RHOU: variants seen among roughly 807,000 people sequenced by gnomAD.
The protein encoded by RHOU is rho-related GTP-binding protein RhoU.
Under a neutral mutation model 12.6 loss-of-function variants are expected in RHOU, and 8 were observed. The observed-to-expected ratio is 0.64, with a 90% CI of 0.37 to 1.15. The LOEUF is 1.15. RHOU is among the 50% of genes most tolerant of loss of function. RHOU has a pLI of 0.01. For missense variants in RHOU, 258 were observed against 347.0 expected (o/e 0.74, Z 2.04); for synonymous variants, 161 against 147.4 (o/e 1.09, Z -0.67).
chr1:228,726,712 G>A, the RHOU span, among the ~76,000 whole-genome samples: 3 of 151,848 alleles, frequency 2.0e-5, no homozygotes, highest in East Asian at 1.9e-4. Context: ...TCCTGATTCT[G>A]TTAGGAAACT....
At chr1:228,717,997 C>T in the RHOU span, among the ~76,000 whole-genome samples, 2 of 152,162 alleles carry the variant, frequency 1.3e-5, no homozygotes, top group Non-Finnish European at 2.9e-5. Context: ...TCTGGGCTGA[C>T]CTCCTTTGAG....
chr1:228,706,418 G>A, the RHOU span, among the ~76,000 whole-genome samples: 1 of 152,216 alleles, frequency 6.6e-6, no homozygotes, highest in African/African-American at 2.4e-5. Context: ...GGAAAGTGAT[G>A]TACAGAAAAT....
At chr1:228,685,562 T>G in the RHOU span, among the ~76,000 whole-genome samples, 1 of 152,210 alleles carries the variant, frequency 6.6e-6, no homozygotes, top group Non-Finnish European at 1.5e-5. Context: ...AATGGAAATC[T>G]ATTGAGCATT....
chr1:228,648,524 C>T, the RHOU span, among the ~76,000 whole-genome samples: 1 of 152,134 alleles, frequency 6.6e-6, no homozygotes, highest in African/African-American at 2.4e-5. Flanking sequence ...TCCCTTGCTG[C>T]CCCTCTTGCA....
At chr1:228,671,712 CAAAAA>C in the RHOU span, among the ~76,000 whole-genome samples, 2,624 of 65,194 alleles carry the variant, frequency 0.04, 88 homozygotes, top group African/African-American at 0.11. Flanking sequence ...GACTCCATCT[CAAAAA>C]AAAAAAAAAA....
At chr1:228,672,201 C>T in the RHOU span, among the ~76,000 whole-genome samples, 1 of 152,172 alleles carries the variant, frequency 6.6e-6, no homozygotes, top group Non-Finnish European at 1.5e-5. Context: ...GAGTTTTGCT[C>T]TTGTTGCCCA....
the RHOU span, among the ~76,000 whole-genome samples, chr1:228,672,553 G>T: frequency 6.6e-6 from 1 of 152,170 alleles, no homozygotes; most frequent in Non-Finnish European, 1.5e-5. Flanking sequence ...GGGTCAGCTT[G>T]ATCTTTCCAG....
chr1:228,692,988 A>G, the RHOU span, among the ~76,000 whole-genome samples: 4,896 of 152,290 alleles, frequency 0.032, 116 homozygotes, highest in Non-Finnish European at 0.048. Context: ...CACCATACAC[A>G]CTGAGCAGAT....
the RHOU span, among the ~76,000 whole-genome samples, chr1:228,718,401 C>A: frequency 6.6e-6 from 1 of 152,110 alleles, no homozygotes. Context: ...TGGCTGAAAA[C>A]AACAAGTTTA....
chr1:228,657,554 G>T, the RHOU span, among the ~76,000 whole-genome samples: 31 of 152,274 alleles, frequency 2.0e-4, no homozygotes, highest in South Asian at 6.4e-3. Flanking sequence ...AGACTGAAGG[G>T]AGAAACAGAC....
the RHOU span, among the ~76,000 whole-genome samples, chr1:228,684,859 G>C: frequency 1.3e-5 from 2 of 152,106 alleles, no homozygotes; most frequent in African/African-American, 4.8e-5. Context: ...GACCCTAAGA[G>C]AGTGTTCTTG....
At chr1:228,710,246 T>C in the RHOU span, among the ~76,000 whole-genome samples, 1 of 152,138 alleles carries the variant, frequency 6.6e-6, no homozygotes. Flanking sequence ...GAGGAACTGG[T>C]ACCATTCCTT....
chr1:228,704,696 T>C, the RHOU span, among the ~76,000 whole-genome samples: 6 of 152,096 alleles, frequency 3.9e-5, no homozygotes, highest in Non-Finnish European at 8.8e-5. Context: ...CGACCTCAAG[T>C]TACCACCTGC....
the RHOU span, among the ~76,000 whole-genome samples, chr1:228,715,326 T>A: frequency 9.2e-5 from 14 of 152,154 alleles, no homozygotes; most frequent in Non-Finnish European, 1.3e-4. Context: ...ATTATCAATA[T>A]GTTTTAGAAA....
rs770215132 is a variant in RHOU, at chr1:228,738,528, G to T, written c.321+797G>T. ...TCTAGAGTTCAGCAAAGTTCCGGGGGTACTTTGTAGGCAGGTGAAAGTGCC... is the reference window on the plus strand; with the variant it reads ...TCTAGAGTTCAGCAAAGTTCCGGGGTTACTTTGTAGGCAGGTGAAAGTGCC... On this transcript the variant is annotated intron_variant, in intron 2 of 2. Transcript: ENST00000366691. This position sits in a 1 kb window ranked among gnomAD's most constrained non-coding sequence, Gnocchi z 4.2. Among the ~76,000 whole-genome samples the T allele has an allele frequency of 1.3e-5, 2 of 152,144 alleles. No homozygotes were observed. The highest frequency in any genetic ancestry group is 1.9e-4 in the East Asian group (1 of 5,182).
chr1:228,646,697 C>G, the RHOU span, among the ~76,000 whole-genome samples: 23 of 150,608 alleles, frequency 1.5e-4, no homozygotes, highest in African/African-American at 4.9e-4. Context: ...GAGAGAAACC[C>G]AGACACACCC....
At chr1:228,694,479 C>A in the RHOU span, among the ~76,000 whole-genome samples, 1 of 152,104 alleles carries the variant, frequency 6.6e-6, no homozygotes, top group Non-Finnish European at 1.5e-5. Context: ...TGCTCTCCCT[C>A]CCCTCCCCTC....
At chr1:228,682,615 A>T in the RHOU span, among the ~76,000 whole-genome samples, 3 of 152,190 alleles carry the variant, frequency 2.0e-5, no homozygotes, top group African/African-American at 7.2e-5. Context: ...GAGATTGCAA[A>T]GAAACTTCTT....
At chr1:228,671,018 T>G in the RHOU span, among the ~76,000 whole-genome samples, 286 of 152,282 alleles carry the variant, frequency 1.9e-3, 1 homozygote, top group African/African-American at 6.6e-3. Context: ...TGTTGTTGTT[T>G]TTTCAGATGT....
Sources: allele counts gnomAD v4.1 joint callset (sites outside exome capture counted in the v4.1 genomes callset), GRCh38; gene constraint gnomAD v4.1.1; non-coding constraint Gnocchi (gnomAD v3.1); transcripts MANE v1.5; gene names NCBI Gene and HGNC (gene_info 2026-07-23, HGNC 2026-07-21).